RNF168: variants seen among roughly 807,000 people sequenced by gnomAD.
RNF168 encodes E3 ubiquitin-protein ligase RNF168.
RNF168 carries 34 observed loss-of-function variants against 34.9 expected under a neutral mutation model. The observed-to-expected ratio is 0.97, with a 90% CI of 0.74 to 1.30. The LOEUF (loss-of-function observed/expected upper bound fraction) is 1.30. Among genes scored for constraint, RNF168 ranks in the 50% most tolerant of loss-of-function variants. The pLI is 0.00. For synonymous variants in RNF168, 264 were observed against 254.7 expected (o/e 1.04, Z -0.35); for missense variants, 725 against 682.5 (o/e 1.06, Z -0.69).
chr3:196,476,499 C>T (rs1453022031), intron 4 of RNF168, among the ~76,000 whole-genome samples: 1 of 151,380 alleles, frequency 6.6e-6, no homozygotes. Context: ...TCACTGCAAC[C>T]CCGCCTCCCA....
intron 1 of RNF168, among the ~76,000 whole-genome samples, chr3:196,494,889 G>A (rs1247153829): frequency 2.6e-5 from 4 of 152,144 alleles, no homozygotes; most frequent in African/African-American, 9.7e-5. Context: ...CTGGCGTAGT[G>A]GTGTGTGCCT....
intron 5 of RNF168, chr3:196,474,948 C>T: frequency 7.3e-6 from 3 of 412,788 alleles, no homozygotes; most frequent in Non-Finnish European, 1.4e-5. Flanking sequence ...TTTCACACTA[C>T]ACCAGCGTAG....
rs1732515457 is a variant in RNF168, at chr3:196,488,614, ATTT to A, written c.368_370del (p.Glu123_Ile124delinsVal). The stretch of plus-strand genomic sequence containing the variant: ...AAACTATTTAGCACCTACCTTGCTT[ATTT>A]CCTCTTCATATTCTCTTCTCAGTTC... On this transcript the variant is annotated inframe_deletion, in exon 2 of 6. Coordinates refer to ENST00000318037, the MANE Select transcript of RNF168 (RefSeq NM_152617.4). The A allele has an allele frequency of 6.3e-7, 1 of 1,588,468 alleles. No individual in the cohort carries two copies. The highest frequency in any genetic ancestry group is 8.6e-7 in the Non-Finnish European group (1 of 1,157,526).
chr3:196,472,658 A>C lies in RNF168; in HGVS notation c.877T>G (p.Ser293Ala). ...AACCATGGCATAGGGGACTCTATTG[A>C]AGAATCTGCACCTTGTTCTCCAACT... Reference protein sequence around the residue: ...LGVGEQGADSSIESPMPWLCA... With the variant: ...LGVGEQGADSAIESPMPWLCA... Residue 293 changes from serine to alanine, a missense_variant, in exon 6 of 6, where the codon TCA (serine) becomes GCA (alanine). Physicochemically the swap from Ser to Ala is moderately conservative, Grantham distance 99. Coordinates refer to ENST00000318037, the MANE Select transcript of RNF168 (RefSeq NM_152617.4). 1 of 1,608,482 alleles carries C rather than the reference A, an allele frequency of 6.2e-7. No homozygotes were observed. The highest frequency in any genetic ancestry group is 2.2e-5 in the East Asian group (1 of 44,714).
In RNF168 at chr3:196,498,282, G is replaced by A. The variant is rs560253806; in HGVS notation, c.301+4591C>T. ...AAGCAATTCTCTGCCTCAGCCTCCC[G>A]AGTGGCTGGTATTACAGGTGCCCGC... On this transcript the variant is annotated intron_variant, in intron 1 of 5. Coordinates refer to ENST00000318037, the MANE Select transcript of RNF168 (RefSeq NM_152617.4). 3.9e-5 allele frequency among the ~76,000 whole-genome samples: 6 copies of A among 151,944 alleles called. No homozygotes were observed. In the East Asian group the frequency reaches 7.7e-4, roughly 20 times the overall value.
chr3:196,475,573 T>TA (rs1443749684), intron 4 of RNF168, among the ~76,000 whole-genome samples: 21 of 131,818 alleles, frequency 1.6e-4, no homozygotes, highest in Admixed American at 3.8e-4. Context: ...TTTTTTGAGA[T>TA]AGAGTCTCGC....
rs1047608955 is a variant in RNF168 at position 196,472,208 on chromosome 3, CTTGT to C, written c.1323_1326del (p.Gln442LysfsTer45). On this transcript the variant is annotated frameshift_variant, in exon 6 of 6. Coordinates refer to ENST00000318037, the MANE Select transcript of RNF168 (RefSeq NM_152617.4). LOFTEE classifies it high-confidence loss of function. ...AATGCCAATAACCTGTCCTGTTCTT[CTTGT>C]TTATGTCTCTCAAACAGTAGATGCT... 14 of 1,613,938 alleles carry C rather than the reference CTTGT, an allele frequency of 8.7e-6. No individual in the cohort carries two copies. Among genetic ancestry groups the C allele is most frequent in the Non-Finnish European group, 1.1e-5 (13 of 1,179,952 alleles).
chr3:196,502,053 A>T (rs1732903705), intron 1 of RNF168, among the ~76,000 whole-genome samples: 1 of 91,910 alleles, frequency 1.1e-5, no homozygotes, highest in African/African-American at 4.4e-5. Context: ...AAAAAAAATT[A>T]GAAAAAAAAA....
At chr3:196,500,731 A>G (rs1485603658) in intron 1 of RNF168, among the ~76,000 whole-genome samples, 2 of 151,144 alleles carry the variant, frequency 1.3e-5, no homozygotes, top group South Asian at 2.1e-4. Context: ...TTTTTTTTTG[A>G]AACGGAGTCT....
rs1237588697 is a variant in RNF168 at position 196,471,538 on chromosome 3, A to G, written c.*281T>C. ...TTTTTGGAAAGACAATGGCACTTGA[A>G]GATTTCCTGGAGTTGGCCAAAGCTT... is the stretch of plus-strand genomic sequence containing the variant. On this transcript the variant is annotated 3_prime_UTR_variant, in exon 6 of 6. Coordinates refer to ENST00000318037, the MANE Select transcript of RNF168 (RefSeq NM_152617.4). The G allele has an allele frequency of 2.7e-6, 1 of 370,548 alleles. No individual in the cohort carries two copies. The highest frequency in any genetic ancestry group is 2.0e-5 in the African/African-American group (1 of 48,968). The allele number at this position is 370,548 out of a possible 1,614,324, so 23.0% of individuals were successfully genotyped here.
At chr3:196,486,124 G>A (rs1221106606) in intron 3 of RNF168, among the ~76,000 whole-genome samples, 3 of 152,120 alleles carry the variant, frequency 2.0e-5, no homozygotes, top group Non-Finnish European at 4.4e-5. Context: ...TTAACTACAG[G>A]AAGCAGAACA....
In RNF168 at chr3:196,470,748, TGTCA is replaced by T. The variant is rs1731978233; in HGVS notation, c.*1067_*1070del. On this transcript the variant is annotated 3_prime_UTR_variant, in exon 6 of 6. Transcript: ENST00000318037. Reference sequence around the variant, plus strand: ...CCCAATCTGTTTCAATGATCTGGACTGTCAGTCACCCCATCCAGCCTCATCCCAG... The same window carrying T: ...CCCAATCTGTTTCAATGATCTGGACTGTCACCCCATCCAGCCTCATCCCAG... 1 of 153,086 alleles carries T rather than the reference TGTCA, an allele frequency of 6.5e-6. No homozygotes were observed. The highest frequency in any genetic ancestry group is 1.9e-4 in the East Asian group (1 of 5,212). The allele number at this position is 153,086 out of a possible 1,614,324, so 9.5% of individuals were successfully genotyped here.
Position 196,471,698 on chromosome 3 carries a change from A to C in RNF168, c.*121T>G. 1 of 754,536 alleles carries C rather than the reference A, an allele frequency of 1.3e-6. No individual in the cohort carries two copies. The highest frequency in any genetic ancestry group is 1.5e-5 in the South Asian group (1 of 68,860). The allele number at this position is 754,536 out of a possible 1,614,324, so 46.7% of individuals were successfully genotyped here. On this transcript the variant is annotated 3_prime_UTR_variant, in exon 6 of 6. Transcript: ENST00000318037. Reference sequence around the variant, plus strand: ...AGTCCTTACAATCACACAGACCTTCATTAAGGACAATGAGTGTGCCTAGAG... The same window carrying C: ...AGTCCTTACAATCACACAGACCTTCCTTAAGGACAATGAGTGTGCCTAGAG...
rs375915880 is a variant in RNF168, at chr3:196,487,545, C to A, written c.412G>T (p.Glu138Ter). 87 of 1,614,048 alleles carry A rather than the reference C, an allele frequency of 5.4e-5. No homozygotes were observed. Among genetic ancestry groups the A allele is most frequent in the Non-Finnish European group, 7.1e-5 (84 of 1,180,038 alleles). The change falls in exon 3 of 6, where the codon GAA (glutamate) becomes TAA (stop). Residue 138 changes from glutamate (E) to a stop codon, truncating the protein, a stop_gained. Coordinates refer to ENST00000318037, the MANE Select transcript of RNF168 (RefSeq NM_152617.4). LOFTEE classifies it high-confidence loss of function. Reference sequence around the variant, plus strand: ...ATGTATTCTTCACTGGCTTTGTTTTCTTCTTCCTCGCTGGCCCGTCGCTCT... The same window carrying A: ...ATGTATTCTTCACTGGCTTTGTTTTATTCTTCCTCGCTGGCCCGTCGCTCT... ...AAERRASEEE[E>*]NKASEEYIQR... is the part of the protein sequence containing the mutation.
At chr3:196,473,280 C>T (rs548960814) in intron 5 of RNF168, among the ~76,000 whole-genome samples, 77 of 152,226 alleles carry the variant, frequency 5.1e-4, no homozygotes, top group Non-Finnish European at 7.8e-4. Flanking sequence ...CAGACCACTT[C>T]TGAGAATAAT....
chr3:196,490,322 A>T (rs1732563339), intron 1 of RNF168, among the ~76,000 whole-genome samples: 1 of 152,202 alleles, frequency 6.6e-6, no homozygotes, highest in Non-Finnish European at 1.5e-5. Flanking sequence ...AAGTGTAAAA[A>T]GGGAACATCC....
intron 1 of RNF168, among the ~76,000 whole-genome samples, chr3:196,494,554 A>G (rs1307376731): frequency 1.3e-5 from 2 of 152,214 alleles, no homozygotes; most frequent in African/African-American, 4.8e-5. Flanking sequence ...CTGCAGCTCC[A>G]TGTAAATGGC....
chr3:196,491,503 G>A (rs532208723), intron 1 of RNF168, among the ~76,000 whole-genome samples: 4 of 151,446 alleles, frequency 2.6e-5, no homozygotes, highest in Admixed American at 6.6e-5. Context: ...ACAAAAAGCC[G>A]GGAGTGGTGG....
chr3:196,502,786 G>A (rs781061152), intron 1 of RNF168, 87 bp downstream of exon 1: 4 of 1,276,688 alleles, frequency 3.1e-6, no homozygotes, highest in Non-Finnish European at 4.5e-6. Flanking sequence ...TTTTTGGTTT[G>A]TTTTTACTTT....
Sources: allele counts gnomAD v4.1 joint callset (sites outside exome capture counted in the v4.1 genomes callset), GRCh38; gene constraint gnomAD v4.1.1; transcripts MANE v1.5; gene names NCBI Gene and HGNC (gene_info 2026-07-23, HGNC 2026-07-21).